Variants in EFCAB11 observed in about 807,000 individuals in gnomAD.
The protein encoded by EFCAB11 is EF-hand calcium binding domain 11, also known as EF-hand calcium-binding domain-containing protein 11.
A neutral mutation model predicts 23.0 loss-of-function variants in EFCAB11; 14 were observed. The ratio of observed to expected loss-of-function variants is 0.61; its 90% CI spans 0.40 to 0.95. The LOEUF (loss-of-function observed/expected upper bound fraction) is 0.95, where lower values mean the gene tolerates loss of function less well. Ranked by LOEUF, EFCAB11 falls within the 40% of genes least tolerant of loss-of-function variation. The pLI is 0.00. For missense variants in EFCAB11, 198 were observed against 195.8 expected (o/e 1.01, Z -0.07); for synonymous variants, 65 against 66.6 (o/e 0.98, Z 0.11).
intron 5 of EFCAB11, among the ~76,000 whole-genome samples, chr14:89,822,723 T>C (rs1886566123): frequency 6.6e-6 from 1 of 152,168 alleles, no homozygotes; most frequent in Admixed American, 6.5e-5. Context: ...AGAGGGCTTG[T>C]GCATGCTGAG....
intron 5 of EFCAB11, among the ~76,000 whole-genome samples, chr14:89,889,107 T>C (rs570483950): frequency 6.6e-6 from 1 of 152,314 alleles, no homozygotes; most frequent in East Asian, 1.9e-4. Flanking sequence ...ATAATTAGAA[T>C]GATTTTTCAA....
intron 5 of EFCAB11, among the ~76,000 whole-genome samples, chr14:89,818,493 A>C (rs1184828824): frequency 6.6e-6 from 1 of 152,176 alleles, no homozygotes; most frequent in Non-Finnish European, 1.5e-5. Context: ...AGAAGGAAAG[A>C]AGAAAAGATT....
intron 5 of EFCAB11, among the ~76,000 whole-genome samples, chr14:89,828,589 G>A (rs1041027670): frequency 2.6e-5 from 4 of 152,062 alleles, no homozygotes; most frequent in African/African-American, 7.2e-5. Flanking sequence ...CATAGTGTTC[G>A]GTTTTTTGTA....
chr14:89,931,690 T>C, intron 4 of EFCAB11, 59 bp from the exon 5 acceptor site: 1 of 1,438,156 alleles, frequency 7.0e-7, no homozygotes, highest in East Asian at 2.3e-5. Flanking sequence ...AACTGTTACT[T>C]CAGCCATAAC....
At chr14:89,822,774 A>C (rs1886568291) in intron 5 of EFCAB11, among the ~76,000 whole-genome samples, 1 of 152,156 alleles carries the variant, frequency 6.6e-6, no homozygotes, top group Non-Finnish European at 1.5e-5. Flanking sequence ...GAATACCTAC[A>C]TTATTCAATA....
At chr14:89,823,646 A>G (rs1002096689) in intron 5 of EFCAB11, among the ~76,000 whole-genome samples, 3 of 152,226 alleles carry the variant, frequency 2.0e-5, no homozygotes, top group Non-Finnish European at 4.4e-5. Context: ...AGAAACAACA[A>G]AGCCAATAGA....
chr14:89,839,858 G>A (rs4900017), intron 5 of EFCAB11, among the ~76,000 whole-genome samples: 106,999 of 151,742 alleles, frequency 0.71, 39,453 homozygotes, highest in Non-Finnish European at 0.83. Context: ...GAACTCATTC[G>A]CTATATAGTA....
chr14:89,858,469 G>C (rs1042535933), intron 5 of EFCAB11, among the ~76,000 whole-genome samples: 1 of 152,174 alleles, frequency 6.6e-6, no homozygotes, highest in Admixed American at 6.6e-5. Flanking sequence ...AGGTCAACAG[G>C]CTAATAGGCT....
At chr14:89,913,166 G>A (rs1889734044) in intron 5 of EFCAB11, among the ~76,000 whole-genome samples, 1 of 152,188 alleles carries the variant, frequency 6.6e-6, no homozygotes. Context: ...GCACATGACA[G>A]GCCTGGTGTG....
intron 5 of EFCAB11, among the ~76,000 whole-genome samples, chr14:89,871,644 A>T (rs561015568): frequency 6.6e-6 from 1 of 152,180 alleles, no homozygotes; most frequent in Admixed American, 6.5e-5. Context: ...CAGTTTTCCC[A>T]TGTTACTAAT....
At chr14:89,931,684 G>T in intron 4 of EFCAB11, 53 bp from the exon 5 acceptor site, 1 of 1,467,054 alleles carries the variant, frequency 6.8e-7, no homozygotes, top group Non-Finnish European at 9.5e-7. Context: ...CCTATCAACT[G>T]TTACTTCAGC....
chr14:89,941,557 T>C (rs1042276053), intron 3 of EFCAB11, among the ~76,000 whole-genome samples: 1 of 151,118 alleles, frequency 6.6e-6, no homozygotes, highest in Non-Finnish European at 1.5e-5. Context: ...TGGATTTATT[T>C]ATTTTTTATT....
chr14:89,953,807 G>A (rs1891293238), intron 2 of EFCAB11, 99 bp downstream of exon 2: 9 of 958,022 alleles, frequency 9.4e-6, no homozygotes, highest in Admixed American at 5.0e-5. Context: ...TGCTTATAAA[G>A]CAATTTATAA....
At chr14:89,888,599 T>C (rs1236909930) in intron 5 of EFCAB11, among the ~76,000 whole-genome samples, 1 of 152,202 alleles carries the variant, frequency 6.6e-6, no homozygotes, top group Non-Finnish European at 1.5e-5. Flanking sequence ...TCTGTCCCCA[T>C]GATCCAGACA....
chr14:89,830,941 T>C (rs1886863305), intron 5 of EFCAB11: 1 of 152,194 alleles, frequency 6.6e-6, no homozygotes, highest in African/African-American at 2.4e-5. Context: ...AAGAAAAAAC[T>C]CCATACCTAT....
intron 5 of EFCAB11, among the ~76,000 whole-genome samples, chr14:89,838,428 CAG>C (rs1206910303): frequency 2.0e-5 from 3 of 147,158 alleles, no homozygotes; most frequent in South Asian, 4.3e-4. Context: ...ATATGCACTA[CAG>C]AGAGATAAAA....
rs146556472 is a variant in EFCAB11 at position 89,827,514 on chromosome 14, T to C, written c.411-30190A>G. On this transcript the variant is annotated intron_variant, in intron 5 of 5. Transcript: ENST00000316738. ...CGAGAGATGTGGTTTGTCAGGCAGG[T>C]CTGGCCCCACCATGCAGAGTATAGA... is the stretch of plus-strand genomic sequence containing the variant. Among the ~76,000 whole-genome samples, 995 of 152,150 alleles carry C rather than the reference T, an allele frequency of 6.5e-3. 7 individuals carry two copies. The highest frequency in any genetic ancestry group is 0.023 in the African/African-American group (957 of 41,504).
At chr14:89,804,144 G>T (rs1157947172) in intron 5 of EFCAB11, among the ~76,000 whole-genome samples, 2 of 152,190 alleles carry the variant, frequency 1.3e-5, no homozygotes, top group East Asian at 3.9e-4. Flanking sequence ...GTTTGGGACT[G>T]CTCTGACACC....
intron 5 of EFCAB11, among the ~76,000 whole-genome samples, chr14:89,813,523 TTTTTG>T (rs930346524): frequency 5.9e-5 from 9 of 152,274 alleles, no homozygotes; most frequent in East Asian, 3.9e-4. Context: ...TTGGTTTGTT[TTTTTG>T]TTTTGTTTTG....
Sources: gnomAD v4.1 joint callset for allele counts (sites outside exome capture counted in the v4.1 genomes callset) on GRCh38, gnomAD v4.1.1 for gene constraint, MANE v1.5 for transcripts, NCBI Gene and HGNC (gene_info 2026-07-23, HGNC 2026-07-21) for gene names.